CFAP20DC: variants seen among roughly 807,000 people sequenced by gnomAD.
The protein encoded by CFAP20DC is CFAP20 domain containing, also known as protein CFAP20DC.
In CFAP20DC, 84 loss-of-function variants were observed where a neutral mutation model predicts 101.7. That is an observed-to-expected ratio of 0.83 (90% CI 0.69 to 0.99). The LOEUF (loss-of-function observed/expected upper bound fraction) is 0.99. CFAP20DC is among the 50% of genes least tolerant of loss of function. CFAP20DC has a pLI of 0.00. For missense variants in CFAP20DC, 1,007 were observed against 970.3 expected (o/e 1.04, Z -0.50); for synonymous variants, 359 against 351.2 (o/e 1.02, Z -0.25).
chr3:58,737,445 G>T (rs2067783197), downstream of CFAP20DC, among the ~76,000 whole-genome samples: 3 of 152,124 alleles, frequency 2.0e-5, no homozygotes, highest in Non-Finnish European at 4.4e-5. This position sits in a 1 kb window ranked among gnomAD's most constrained non-coding sequence, Gnocchi z 4.1. Flanking sequence ...CTGGAGGAGT[G>T]ATCTACAGCA....
At chr3:58,895,491 C>A (rs892204358) in intron 6 of CFAP20DC, among the ~76,000 whole-genome samples, 1 of 152,214 alleles carries the variant, frequency 6.6e-6, no homozygotes, top group South Asian at 2.1e-4. Context: ...ACAAGTTCCT[C>A]ATTTCCTTCT....
intron 5 of CFAP20DC, among the ~76,000 whole-genome samples, chr3:58,933,153 CA>C (rs1314494878): frequency 1.3e-5 from 2 of 151,958 alleles, no homozygotes; most frequent in Admixed American, 6.6e-5. Flanking sequence ...TTTAAACCAA[CA>C]AAGATCAAAA....
intron 14 of CFAP20DC, among the ~76,000 whole-genome samples, chr3:58,820,493 C>G (rs545935558): frequency 1.3e-5 from 2 of 150,196 alleles, no homozygotes; most frequent in Non-Finnish European, 3.0e-5. Context: ...TTCTGATACA[C>G]CAACAACAGA....
intron 3 of CFAP20DC, among the ~76,000 whole-genome samples, chr3:58,735,933 C>G (rs1473488572): frequency 2.0e-5 from 3 of 152,150 alleles, no homozygotes; most frequent in Non-Finnish European, 4.4e-5. Context: ...TTGTAACACT[C>G]ATAGATTCTT....
chr3:58,958,063 T>C (rs2090800523), intron 4 of CFAP20DC, among the ~76,000 whole-genome samples: 1 of 152,166 alleles, frequency 6.6e-6, no homozygotes, highest in Non-Finnish European at 1.5e-5. Context: ...CATGATGTAA[T>C]TATTACATAT....
intron 4 of CFAP20DC, among the ~76,000 whole-genome samples, chr3:59,010,411 C>T (rs2093555830): frequency 6.6e-6 from 1 of 151,932 alleles, no homozygotes; most frequent in Non-Finnish European, 1.5e-5. Context: ...AGTAGCTATT[C>T]TTTTATCAGA....
Position 58,864,325 on chromosome 3 carries a change from G to A in CFAP20DC, c.1259-433C>T, listed in dbSNP as rs556096568. ...TGTTGAAACAGATTTATCAAATAAC[G>A]CAAAGCAAAGGAAGGCAATTTATAG... is the stretch of plus-strand genomic sequence containing the variant. On this transcript the variant is annotated intron_variant, in intron 11 of 16. Coordinates refer to ENST00000482387, the MANE Select transcript of CFAP20DC (RefSeq NM_001394063.1). This position sits in a 1 kb window ranked among gnomAD's most constrained non-coding sequence, Gnocchi z 4.7. Among the ~76,000 whole-genome samples, 2 of 152,282 alleles carry A rather than the reference G, an allele frequency of 1.3e-5. No individual in the cohort carries two copies. Among genetic ancestry groups the A allele is most frequent in the South Asian group, 4.1e-4 (2 of 4,822 alleles).
chr3:59,009,670 C>T (rs562882042), intron 4 of CFAP20DC, among the ~76,000 whole-genome samples: 1 of 152,228 alleles, frequency 6.6e-6, no homozygotes, highest in Non-Finnish European at 1.5e-5. Context: ...TTGAGGAGGG[C>T]TTCCCTGGCC....
At chr3:58,951,061 C>G (rs901976941) in intron 4 of CFAP20DC, among the ~76,000 whole-genome samples, 4 of 151,864 alleles carry the variant, frequency 2.6e-5, no homozygotes, top group Middle Eastern at 3.2e-3. Flanking sequence ...AACAAATTTA[C>G]AAGAAAAAAA....
chr3:58,941,218 A>G (rs1444576959), intron 4 of CFAP20DC, among the ~76,000 whole-genome samples: 2 of 150,202 alleles, frequency 1.3e-5, no homozygotes, highest in Admixed American at 6.7e-5. Flanking sequence ...AATCCCAGCT[A>G]CTCAGGAGGG....
In CFAP20DC at chr3:59,001,286, G is replaced by C. The variant is rs1428226859; in HGVS notation, c.278+38271C>G. On this transcript the variant is annotated intron_variant, in intron 4 of 16. Transcript: ENST00000482387. This position sits in a 1 kb window ranked among gnomAD's most constrained non-coding sequence, Gnocchi z 4.5. ...ATAAAAATACAAGGCCTGATAGACT[G>C]CCTCTATAGGACTGTATAGATCACC... Among the ~76,000 whole-genome samples the C allele has an allele frequency of 6.6e-6, 1 of 152,092 alleles. No individual in the cohort carries two copies. Among genetic ancestry groups the C allele is most frequent in the Non-Finnish European group, 1.5e-5 (1 of 67,996 alleles).
At chr3:58,815,835 G>T (rs1306262665) in intron 14 of CFAP20DC, among the ~76,000 whole-genome samples, 1 of 150,506 alleles carries the variant, frequency 6.6e-6, no homozygotes, top group African/African-American at 2.5e-5. Flanking sequence ...AGTTAGAATG[G>T]CAATCATTAA....
chr3:58,965,304 T>C (rs910524879), intron 4 of CFAP20DC, among the ~76,000 whole-genome samples: 1 of 152,220 alleles, frequency 6.6e-6, no homozygotes, highest in Non-Finnish European at 1.5e-5. Context: ...TTTCTTTCCA[T>C]AGGTGAAGTA....
intron 12 of CFAP20DC, among the ~76,000 whole-genome samples, chr3:58,857,337 T>C (rs928857822): frequency 2.0e-5 from 3 of 152,220 alleles, no homozygotes; most frequent in Non-Finnish European, 4.4e-5. Context: ...CAGCCTTTTC[T>C]TCCTTCTAGC....
chr3:59,003,357 T>G (rs576987741), intron 4 of CFAP20DC, among the ~76,000 whole-genome samples: 1 of 152,312 alleles, frequency 6.6e-6, no homozygotes, highest in Admixed American at 6.5e-5. Flanking sequence ...AGACACAGAC[T>G]TAATATCTGG....
At position 58,753,792 on chromosome 3, in the gene CFAP20DC, G is replaced by T; in HGVS notation, c.2309C>A (p.Ser770Tyr). The change falls in exon 16 of 17, where the codon TCC becomes TAC. Residue 770 changes from serine to tyrosine, a missense_variant. By Grantham distance (144) the Ser-to-Tyr change is moderately radical (BLOSUM62 -2). Coordinates refer to ENST00000482387, the MANE Select transcript of CFAP20DC (RefSeq NM_001394063.1). ...ACCTTGAACACTCAAACTTTCACAG[G>T]AATCTGGACGCTGCTCAGCCGGCTG... ...SQQPAEQRPDSCESLSVQGEE... is the reference protein window; with the variant it reads ...SQQPAEQRPDYCESLSVQGEE... The T allele has an allele frequency of 6.2e-7, 1 of 1,612,290 alleles. No homozygotes were observed. The highest frequency in any genetic ancestry group is 2.2e-5 in the East Asian group (1 of 44,848).
At chr3:58,958,511 G>C (rs2090848101) in intron 4 of CFAP20DC, among the ~76,000 whole-genome samples, 1 of 152,110 alleles carries the variant, frequency 6.6e-6, no homozygotes, top group Non-Finnish European at 1.5e-5. Context: ...CTCTTTATGT[G>C]GACACGTTTT....
At chr3:58,843,689 G>A (rs1271882768) in intron 13 of CFAP20DC, among the ~76,000 whole-genome samples, 1 of 150,442 alleles carries the variant, frequency 6.6e-6, no homozygotes, top group Non-Finnish European at 1.5e-5. Flanking sequence ...CTCGAGAAGA[G>A]CAACTCCAAG....
chr3:58,762,202 T>C (rs1197822467), intron 15 of CFAP20DC, among the ~76,000 whole-genome samples: 1 of 152,076 alleles, frequency 6.6e-6, no homozygotes, highest in Non-Finnish European at 1.5e-5. Flanking sequence ...AAGGACTTGC[T>C]TTATGAATCT....
Sources: gnomAD v4.1 joint callset for allele counts (sites outside exome capture counted in the v4.1 genomes callset) on GRCh38, gnomAD v4.1.1 for gene constraint, Gnocchi (gnomAD v3.1) non-coding constraint, MANE v1.5 for transcripts, NCBI Gene and HGNC (gene_info 2026-07-23, HGNC 2026-07-21) for gene names.